The following PDE1C variants were observed in gnomAD, a reference collection of about 807,000 sequenced individuals.
PDE1C encodes dual specificity calcium/calmodulin-dependent 3',5'-cyclic nucleotide phosphodiesterase 1C.
A neutral mutation model predicts 93.1 loss-of-function variants in PDE1C; 62 were observed. The observed-to-expected ratio is 0.67, with a 90% CI of 0.54 to 0.82. The LOEUF is 0.82. PDE1C is among the 40% of genes least tolerant of loss of function. The pLI is 0.00. For missense variants in PDE1C, 742 were observed against 884.6 expected (o/e 0.84, Z 2.04); for synonymous variants, 325 against 310.1 (o/e 1.05, Z -0.50).
intron 3 of PDE1C, among the ~76,000 whole-genome samples, chr7:32,078,356 G>T (rs918184656): frequency 2.0e-5 from 3 of 152,144 alleles, no homozygotes; most frequent in African/African-American, 7.2e-5. Context: ...ATCAAGAATG[G>T]CTCCCACTTC....
chr7:32,342,963 CA>C (rs1343179618), intron 1 of PDE1C, among the ~76,000 whole-genome samples: 1 of 152,096 alleles, frequency 6.6e-6, no homozygotes, highest in Non-Finnish European at 1.5e-5. Flanking sequence ...GCATCATTAT[CA>C]AAGGAAAATG....
intron 11 of PDE1C, among the ~76,000 whole-genome samples, chr7:31,832,825 GA>G (rs1028838681): frequency 1.3e-5 from 2 of 152,004 alleles, no homozygotes; most frequent in East Asian, 3.9e-4. Flanking sequence ...CCTTTACGAG[GA>G]AAAAATGTTC....
At chr7:32,088,027 T>TA (rs56733244) in intron 3 of PDE1C, among the ~76,000 whole-genome samples, 5 of 151,008 alleles carry the variant, frequency 3.3e-5, no homozygotes, top group Non-Finnish European at 5.9e-5. Context: ...AAATAAAAAA[T>TA]AAAAAAAAGA....
intron 2 of PDE1C, among the ~76,000 whole-genome samples, chr7:31,927,153 T>C (rs1803500453): frequency 7.8e-6 from 1 of 128,948 alleles, no homozygotes; most frequent in Admixed American, 7.6e-5. Context: ...TACTGAGACC[T>C]GAGTAGGTGG....
chr7:31,846,556 G>T (rs1277514297), intron 9 of PDE1C, among the ~76,000 whole-genome samples: 1 of 151,986 alleles, frequency 6.6e-6, no homozygotes, highest in African/African-American at 2.4e-5. Flanking sequence ...TAGCATTCAG[G>T]ATATAGGTAT....
intron 1 of PDE1C, among the ~76,000 whole-genome samples, chr7:32,287,951 C>A (rs1282695154): frequency 5.9e-5 from 9 of 152,114 alleles, no homozygotes; most frequent in South Asian, 2.1e-4. Flanking sequence ...ACCTGTAATC[C>A]CAACACTTTA....
chr7:31,661,933 A>C, the PDE1C span, among the ~76,000 whole-genome samples: 1 of 152,118 alleles, frequency 6.6e-6, no homozygotes, highest in Non-Finnish European at 1.5e-5. Flanking sequence ...TGATTCTCCA[A>C]GTGCAGATGG....
intron 15 of PDE1C, among the ~76,000 whole-genome samples, chr7:31,809,966 T>C (rs889468797): frequency 1.1e-4 from 16 of 152,028 alleles, no homozygotes; most frequent in Non-Finnish European, 1.6e-4. Flanking sequence ...TTATGGCAAA[T>C]ACATTTTCTT....
At chr7:31,695,969 G>A in the PDE1C span, 3 of 165,914 alleles carry the variant, frequency 1.8e-5, no homozygotes, top group African/African-American at 4.8e-5. Context: ...CCACAGTCAC[G>A]ATGAGTACCA....
chr7:32,157,806 G>A (rs1444194118), intron 3 of PDE1C, among the ~76,000 whole-genome samples: 1 of 152,164 alleles, frequency 6.6e-6, no homozygotes, highest in African/African-American at 2.4e-5. Context: ...AGGCTAAAAG[G>A]TGACTTACAT....
In PDE1C at chr7:32,115,945, TAA is replaced by T. The variant is rs1383807120; in HGVS notation, c.308+53838_308+53839del. 5.3e-5 allele frequency among the ~76,000 whole-genome samples: 8 copies of T among 152,224 alleles called. No homozygotes were observed. The East Asian group carries it at 1.4e-3, about 26-fold the overall frequency. On this transcript the variant is annotated intron_variant, in intron 3 of 18. Coordinates refer to the PDE1C transcript ENST00000396193. ...TCCATCACACAAAGTTGTGCATGAC[TAA>T]GAGACCAAGATGGCAGGGAAAAAAT... is the stretch of plus-strand genomic sequence containing the variant.
At chr7:31,691,752 G>A in the PDE1C span, among the ~76,000 whole-genome samples, 94,414 of 145,380 alleles carry the variant, frequency 0.65, 30,796 homozygotes, top group East Asian at 0.83. Context: ...TGTGGATGGG[G>A]AGGTAGTCTC....
chr7:31,817,551 A>G (rs1054566626), intron 14 of PDE1C, among the ~76,000 whole-genome samples: 1 of 152,186 alleles, frequency 6.6e-6, no homozygotes, highest in African/African-American at 2.4e-5. Flanking sequence ...GACTCATCCC[A>G]TGCAGCGCTT....
At chr7:31,948,036 C>T (rs148846240) in intron 2 of PDE1C, among the ~76,000 whole-genome samples, 1 of 152,316 alleles carries the variant, frequency 6.6e-6, no homozygotes, top group East Asian at 1.9e-4. Context: ...CTAACCAGGT[C>T]AGCCATGAGG....
chr7:32,311,863 C>A (rs1186119309), intron 1 of PDE1C, among the ~76,000 whole-genome samples: 1 of 152,216 alleles, frequency 6.6e-6, no homozygotes, highest in East Asian at 1.9e-4. Context: ...CATGCCCTCT[C>A]TCGCCACTCC....
the PDE1C span, among the ~76,000 whole-genome samples, chr7:31,719,643 G>A: frequency 6.6e-6 from 1 of 152,106 alleles, no homozygotes; most frequent in Non-Finnish European, 1.5e-5. Context: ...CCCTCACAAT[G>A]CATGGCCGTG....
At chr7:32,332,789 A>G (rs967445110) in intron 1 of PDE1C, among the ~76,000 whole-genome samples, 1 of 152,202 alleles carries the variant, frequency 6.6e-6, no homozygotes, top group Non-Finnish European at 1.5e-5. Flanking sequence ...AATGCAAAAT[A>G]CAGTATTCTA....
At chr7:32,015,364 C>T (rs1443437066) in intron 2 of PDE1C, among the ~76,000 whole-genome samples, 1 of 151,872 alleles carries the variant, frequency 6.6e-6, no homozygotes, top group Non-Finnish European at 1.5e-5. Flanking sequence ...CACTAATTCT[C>T]CACCCCAGGT....
At chr7:31,902,135 T>C (rs1456579335) in intron 2 of PDE1C, among the ~76,000 whole-genome samples, 1 of 151,566 alleles carries the variant, frequency 6.6e-6, no homozygotes, top group Non-Finnish European at 1.5e-5. Flanking sequence ...TAATAACAAC[T>C]TATAATTGTA....
Sources: gnomAD v4.1 joint callset for allele counts (sites outside exome capture counted in the v4.1 genomes callset) on GRCh38, gnomAD v4.1.1 for gene constraint, MANE v1.5 for transcripts, NCBI Gene and HGNC (gene_info 2026-07-23, HGNC 2026-07-21) for gene names.